ZFR2: variants seen among roughly 807,000 people sequenced by gnomAD.
The protein encoded by ZFR2 is zinc finger RNA-binding protein 2.
Under a neutral mutation model 105.7 loss-of-function variants are expected in ZFR2, and 104 were observed. The ratio of observed to expected loss-of-function variants is 0.98; its 90% CI spans 0.84 to 1.16. The LOEUF is 1.16. ZFR2 is among the 50% of genes most tolerant of loss of function. ZFR2 has a pLI of 0.00. For missense variants in ZFR2, 1,425 were observed against 1,355.5 expected, an observed-to-expected ratio of 1.05 and a Z score of -0.80; for synonymous variants, 634 against 597.7, an observed-to-expected ratio of 1.06 and a Z score of -0.89.
At chr19:3,844,013 T>TTG (rs1555757817) in intron 1 of ZFR2, among the ~76,000 whole-genome samples, 1 of 34,750 alleles carries the variant, frequency 2.9e-5, no homozygotes, top group Non-Finnish European at 4.7e-5. Context: ...AAGTAGGATG[T>TTG]GGGGGGGGGG....
At chr19:3,824,318 A>T (rs2037926475) in intron 7 of ZFR2, among the ~76,000 whole-genome samples, 1 of 152,036 alleles carries the variant, frequency 6.6e-6, no homozygotes, top group Non-Finnish European at 1.5e-5. Flanking sequence ...AACAAAACAA[A>T]CCACGAAAAA....
intron 1 of ZFR2, among the ~76,000 whole-genome samples, chr19:3,868,002 G>T (rs1443263212): frequency 6.6e-6 from 1 of 151,524 alleles, no homozygotes; most frequent in African/African-American, 2.4e-5. Flanking sequence ...CCCCTGCCCA[G>T]TCGGGAAACT....
chr19:3,807,518 C>T (rs1413128071), intron 17 of ZFR2, among the ~76,000 whole-genome samples: 1 of 152,136 alleles, frequency 6.6e-6, no homozygotes, highest in South Asian at 2.1e-4. Flanking sequence ...TGTGTGTGTT[C>T]GTGCCTGTGT....
chr19:3,827,658 G>T lies in ZFR2; in HGVS notation c.853-5C>A. 1 of 1,574,562 alleles carries T rather than the reference G, an allele frequency of 6.4e-7. No homozygotes were observed. The highest frequency in any genetic ancestry group is 2.3e-5 in the East Asian group (1 of 42,644). ...TCCCAGATGTTCCCGGTAGGTCTGCGGCAAGGGGTGAGAGGCAGCCTGGGC... is the reference window on the plus strand; with the variant it reads ...TCCCAGATGTTCCCGGTAGGTCTGCTGCAAGGGGTGAGAGGCAGCCTGGGC... On this transcript the variant is annotated splice_polypyrimidine_tract_variant and splice_region_variant and intron_variant, in intron 5 of 18. Transcript: ENST00000262961.
chr19:3,831,205 G>A (rs986748088), intron 5 of ZFR2, 98 bp downstream of exon 5: 10 of 1,415,924 alleles, frequency 7.1e-6, no homozygotes, highest in Non-Finnish European at 9.2e-6. Context: ...CTTTCAGCAG[G>A]CAGCGACCCT....
At chr19:3,844,997 C>CAA (rs1159303431) in intron 1 of ZFR2, among the ~76,000 whole-genome samples, 1 of 127,688 alleles carries the variant, frequency 7.8e-6, no homozygotes, top group Non-Finnish European at 1.6e-5. Flanking sequence ...TGGGTGGCTT[C>CAA]AGCAACACAG....
chr19:3,863,714 G>A (rs951514799), intron 1 of ZFR2, among the ~76,000 whole-genome samples: 7 of 152,182 alleles, frequency 4.6e-5, no homozygotes, highest in Non-Finnish European at 8.8e-5. Flanking sequence ...TACCACAGGC[G>A]CAACCTCTAA....
Position 3,806,083 on chromosome 19 carries a change from G to A in ZFR2, c.2686C>T (p.Leu896=). Residue 896 remains leucine, a synonymous_variant, in exon 19 of 19, where the codon CTG becomes TTG. Coordinates refer to ENST00000262961, the MANE Select transcript of ZFR2 (RefSeq NM_015174.2). ...MLAFRQTHKV[L]GMDLLPPRHR... is the part of the protein sequence containing the mutation. ...CTGGGCGGCAGGAGATCCATGCCCA[G>A]GACCTTGTGGGTCTGCCGGAAGGCC... The A allele has an allele frequency of 6.7e-7, 1 of 1,502,464 alleles. No homozygotes were observed. The highest frequency in any genetic ancestry group is 2.2e-5 in the Admixed American group (1 of 45,022). 93.1% of individuals were successfully genotyped at this position (1,502,464 alleles called of 1,614,324 possible). A position where few individuals can be genotyped will look rare whatever the true frequency, so the allele number is the denominator to read the frequency against.
intron 1 of ZFR2, among the ~76,000 whole-genome samples, chr19:3,863,642 G>A (rs1002492259): frequency 1.3e-5 from 2 of 152,034 alleles, no homozygotes; most frequent in Admixed American, 6.6e-5. Context: ...CTATCTGACC[G>A]GGCCCTGAAC....
chr19:3,831,827 G>A lies in ZFR2; in HGVS notation c.431C>T (p.Ala144Val). The part of the protein sequence containing the change: ...QPSPHGSHSH[A>V]QPPQQAPIVE... ...TATGGGCGCCTGCTGTGGGGGCTGAGCGTGGCTGTGACTGCCATGGGGGCT... is the reference window on the plus strand; with the variant it reads ...TATGGGCGCCTGCTGTGGGGGCTGAACGTGGCTGTGACTGCCATGGGGGCT... Residue 144 changes from alanine (A) to valine (V), a missense_variant, in exon 4 of 19, where the codon GCT becomes GTT. Ala to Val is a moderately conservative substitution (Grantham distance 64, BLOSUM62 0). Coordinates refer to ENST00000262961, the MANE Select transcript of ZFR2 (RefSeq NM_015174.2). 1 of 1,606,552 alleles carries A rather than the reference G, an allele frequency of 6.2e-7. No individual in the cohort carries two copies. The highest frequency in any genetic ancestry group is 8.5e-7 in the Non-Finnish European group (1 of 1,178,780).
intron 1 of ZFR2, among the ~76,000 whole-genome samples, chr19:3,867,235 G>A (rs1488124568): frequency 6.6e-6 from 1 of 150,450 alleles, no homozygotes; most frequent in African/African-American, 2.5e-5. Flanking sequence ...GGGACTGTGA[G>A]AAACAAGGTT....
At chr19:3,835,026 G>T in intron 1 of ZFR2, 43 bp from the exon 2 acceptor site, 1 of 1,565,910 alleles carries the variant, frequency 6.4e-7, no homozygotes, top group East Asian at 2.3e-5. Flanking sequence ...AGGTTAGAGC[G>T]AGTTCTCAGG....
At position 3,859,569 on chromosome 19, in the gene ZFR2, G is replaced by A. The variant is rs16992104; in HGVS notation, c.53+9396C>T. ...CGCTGGAGAACACCTGCACTCCCGCGTTCTGACCTTGGCGCGGTGGGTCTG... is the reference window on the plus strand; with the variant it reads ...CGCTGGAGAACACCTGCACTCCCGCATTCTGACCTTGGCGCGGTGGGTCTG... On this transcript the variant is annotated intron_variant, in intron 1 of 18. Coordinates refer to ENST00000262961, the MANE Select transcript of ZFR2 (RefSeq NM_015174.2). Among the ~76,000 whole-genome samples, 1,386 of 152,326 alleles carry A rather than the reference G, an allele frequency of 9.1e-3. 22 individuals carry two copies. Among genetic ancestry groups the A allele is most frequent in the African/African-American group, 0.032 (1,317 of 41,566 alleles).
intron 13 of ZFR2, among the ~76,000 whole-genome samples, chr19:3,814,366 A>G (rs1491002542): frequency 1.3e-5 from 2 of 152,220 alleles, no homozygotes; most frequent in Admixed American, 6.5e-5. Context: ...AACTAAAACC[A>G]TAATGAGACG....
intron 1 of ZFR2, among the ~76,000 whole-genome samples, chr19:3,842,293 C>T (rs1241186329): frequency 2.6e-5 from 4 of 152,068 alleles, no homozygotes; most frequent in South Asian, 2.1e-4. Context: ...GAATTACAGG[C>T]GTGAGTCACT....
intron 1 of ZFR2, 115 bp downstream of exon 1, chr19:3,868,850 T>TTGGGGCTGGGAC (rs1162088166): frequency 1.1e-6 from 1 of 895,678 alleles, no homozygotes; most frequent in Non-Finnish European, 1.5e-6. Flanking sequence ...GGGTTCCAGG[T>TTGGGGCTGGGAC]TGGGGCTGGG....
chr19:3,819,619 C>T (rs1411281735), intron 11 of ZFR2, among the ~76,000 whole-genome samples: 1 of 152,068 alleles, frequency 6.6e-6, no homozygotes, highest in Non-Finnish European at 1.5e-5. Context: ...TTAGGGAGGC[C>T]GAGGCGGGCG....
chr19:3,857,288 A>G (rs1003379453), intron 1 of ZFR2, among the ~76,000 whole-genome samples: 9 of 151,802 alleles, frequency 5.9e-5, no homozygotes. Context: ...AACTAATTCA[A>G]ATAAAGCAAG....
Position 3,819,029 on chromosome 19 carries a change from G to A in ZFR2, c.1931+16C>T, listed in dbSNP as rs767299995. 1.2e-6 allele frequency: 2 copies of A among 1,609,904 alleles called. No individual in the cohort carries two copies. Among genetic ancestry groups the A allele is most frequent in the Non-Finnish European group, 1.7e-6 (2 of 1,179,004 alleles). On this transcript the variant is annotated intron_variant, in intron 12 of 18. Coordinates refer to ENST00000262961, the MANE Select transcript of ZFR2 (RefSeq NM_015174.2). ...TGGCTGAGAGCCGGGCCCTGGGGAA[G>A]GGGATCTCCAATGACCTGCGCTTGT...
Sources: gnomAD v4.1 joint callset for allele counts (sites outside exome capture counted in the v4.1 genomes callset) on GRCh38, gnomAD v4.1.1 for gene constraint, MANE v1.5 for transcripts, NCBI Gene and HGNC (gene_info 2026-07-23, HGNC 2026-07-21) for gene names.